KATNIP: variants seen among roughly 807,000 people sequenced by gnomAD.
KATNIP encodes katanin interacting protein.
In KATNIP, 126 loss-of-function variants were observed where a neutral mutation model predicts 174.0. The ratio of observed to expected loss-of-function variants is 0.72; its 90% CI spans 0.63 to 0.84. The LOEUF is 0.84. KATNIP is among the 40% of genes least tolerant of loss of function. The pLI is 0.00. For missense variants in KATNIP, 1,958 were observed against 2,109.7 expected, an observed-to-expected ratio of 0.93 and a Z score of 1.41; for synonymous variants, 810 against 835.7, an observed-to-expected ratio of 0.97 and a Z score of 0.53.
At chr16:27,629,423 A>T (rs2076424981) in intron 4 of KATNIP, among the ~76,000 whole-genome samples, 1 of 152,178 alleles carries the variant, frequency 6.6e-6, no homozygotes, top group Non-Finnish European at 1.5e-5. Context: ...ATTTTGGATT[A>T]TATCTGATTT....
At chr16:27,647,615 C>A (rs991674603) in intron 5 of KATNIP, among the ~76,000 whole-genome samples, 26 of 152,024 alleles carry the variant, frequency 1.7e-4, no homozygotes, top group Non-Finnish European at 1.0e-4. Flanking sequence ...AAGCGATTCT[C>A]CTGCCTCAGC....
chr16:27,719,252 C>T (rs961027932), intron 13 of KATNIP, among the ~76,000 whole-genome samples: 2 of 152,140 alleles, frequency 1.3e-5, no homozygotes, highest in African/African-American at 4.8e-5. Context: ...TGGGAAATGG[C>T]GGGCTTCAAG....
intron 2 of KATNIP, among the ~76,000 whole-genome samples, chr16:27,604,463 G>C (rs2075637875): frequency 6.6e-6 from 1 of 151,972 alleles, no homozygotes; most frequent in Non-Finnish European, 1.5e-5. Flanking sequence ...TTGAGCTCCT[G>C]GGCACAAGTG....
chr16:27,576,501 C>T (rs1169906291), intron 2 of KATNIP, among the ~76,000 whole-genome samples: 2 of 152,010 alleles, frequency 1.3e-5, no homozygotes, highest in African/African-American at 2.4e-5. Flanking sequence ...AAAGGCTTGG[C>T]GAAGTGGCTC....
chr16:27,770,212 C>T (rs1391451612), intron 21 of KATNIP, among the ~76,000 whole-genome samples, 194 bp downstream of exon 21: 1 of 152,200 alleles, frequency 6.6e-6, no homozygotes, highest in East Asian at 1.9e-4. Context: ...TGTCTGGGGA[C>T]ATTTGGGTTT....
chr16:27,710,652 A>G (rs1240608221), intron 13 of KATNIP, among the ~76,000 whole-genome samples: 1 of 152,102 alleles, frequency 6.6e-6, no homozygotes, highest in Non-Finnish European at 1.5e-5. Flanking sequence ...CAGGCACACA[A>G]CACCACATCT....
At chr16:27,643,590 CAAAAAAAAAAA>C (rs562253355) in intron 5 of KATNIP, among the ~76,000 whole-genome samples, 7 of 40,488 alleles carry the variant, frequency 1.7e-4, no homozygotes, top group Admixed American at 5.1e-4. Context: ...GACTCTGTCT[CAAAAAAAAAAA>C]AAAAAAAAAA....
chr16:27,766,443 A>T lies in KATNIP; in HGVS notation c.3944A>T (p.Tyr1315Phe). ...ESIAGLRFWNYNKSPEDTYRG... is the reference protein window; with the variant it reads ...ESIAGLRFWNFNKSPEDTYRG... ...ATCGCAGGCCTGCGCTTCTGGAACT[A>T]CAATAAATCTCCCGAGGACACCTAT... Residue 1315 changes from tyrosine (Y) to phenylalanine (F), a missense_variant, in exon 20 of 28, where the codon TAC becomes TTC. Physicochemically the swap from Tyr to Phe is conservative, Grantham distance 22. Around this residue, in one of 3 missense-constraint regions of KATNIP, gnomAD observed 383 missense variants for 456.0 expected, o/e 0.84. Coordinates refer to ENST00000261588, the MANE Select transcript of KATNIP (RefSeq NM_015202.5). 6.2e-7 allele frequency: 1 copy of T among 1,613,820 alleles called. No homozygotes were observed. Among genetic ancestry groups the T allele is most frequent in the Non-Finnish European group, 8.5e-7 (1 of 1,180,010 alleles).
intron 2 of KATNIP, among the ~76,000 whole-genome samples, chr16:27,605,817 G>A (rs1479151822): frequency 6.6e-6 from 1 of 152,120 alleles, no homozygotes; most frequent in Non-Finnish European, 1.5e-5. Context: ...TATAACTGAT[G>A]TGTTAGCAAA....
intron 14 of KATNIP, among the ~76,000 whole-genome samples, chr16:27,725,799 C>T (rs1235231832): frequency 6.6e-6 from 1 of 152,170 alleles, no homozygotes. Context: ...AGCGTCACCA[C>T]GCAAGTGCCG....
chr16:27,606,327 G>T (rs1416400853), intron 2 of KATNIP, among the ~76,000 whole-genome samples: 1 of 152,064 alleles, frequency 6.6e-6, no homozygotes, highest in Non-Finnish European at 1.5e-5. Flanking sequence ...TGGGCTTAGG[G>T]CCATTGGAGC....
chr16:27,626,301 G>T (rs542440474), intron 3 of KATNIP, among the ~76,000 whole-genome samples: 2 of 150,062 alleles, frequency 1.3e-5, no homozygotes, highest in East Asian at 4.0e-4. Flanking sequence ...TTGGACATTT[G>T]GGTTGCTTCC....
intron 2 of KATNIP, among the ~76,000 whole-genome samples, chr16:27,598,918 G>A (rs1185097599): frequency 6.6e-6 from 1 of 152,176 alleles, no homozygotes; most frequent in Non-Finnish European, 1.5e-5. Context: ...AGATGTCCCA[G>A]TTGAGACAAG....
At chr16:27,554,274 C>T (rs1456310040) in intron 1 of KATNIP, among the ~76,000 whole-genome samples, 1 of 152,080 alleles carries the variant, frequency 6.6e-6, no homozygotes, top group African/African-American at 2.4e-5. Context: ...ACTAGCCTGG[C>T]CAACATGGTG....
At chr16:27,761,688 A>T in intron 19 of KATNIP, 98 bp downstream of exon 19, 3 of 1,120,540 alleles carry the variant, frequency 2.7e-6, no homozygotes, top group Non-Finnish European at 4.0e-6. Flanking sequence ...ATAGAATCGC[A>T]TATGTCCCTC....
At chr16:27,773,923 C>A (rs1038415262) in intron 23 of KATNIP, among the ~76,000 whole-genome samples, 6 of 152,174 alleles carry the variant, frequency 3.9e-5, no homozygotes, top group African/African-American at 9.7e-5. Context: ...TCACAACAAT[C>A]TTGTGAGGTG....
intron 5 of KATNIP, among the ~76,000 whole-genome samples, chr16:27,646,943 G>A (rs2142317987): frequency 6.6e-6 from 1 of 152,336 alleles, no homozygotes; most frequent in South Asian, 2.1e-4. Context: ...AGAGGAAGCT[G>A]CAGGGCCTGG....
intron 8 of KATNIP, among the ~76,000 whole-genome samples, chr16:27,690,363 T>TAGATGATAGATA (rs397837255): frequency 8.8e-4 from 80 of 91,024 alleles, no homozygotes; most frequent in East Asian, 3.8e-3. Context: ...GATAGATAGA[T>TAGATGATAGATA]GATAGATAGA....
intron 2 of KATNIP, among the ~76,000 whole-genome samples, chr16:27,595,221 C>A (rs114327193): frequency 1.3e-5 from 2 of 152,092 alleles, no homozygotes; most frequent in Non-Finnish European, 2.9e-5. Context: ...CCTGTCTCTA[C>A]AAAAGTACAG....
Sources: gnomAD v4.1 joint callset for allele counts (sites outside exome capture counted in the v4.1 genomes callset) on GRCh38, gnomAD v4.1.1 for gene constraint, gnomAD v4.1.1 regional missense constraint, MANE v1.5 for transcripts, NCBI Gene and HGNC (gene_info 2026-07-23, HGNC 2026-07-21) for gene names.